The following NOL4 variants were observed in gnomAD, a reference collection of about 807,000 sequenced individuals.
The protein encoded by NOL4 is cancer/testis antigen 125.
Under a neutral mutation model 75.9 loss-of-function variants are expected in NOL4, and 17 were observed. The ratio of observed to expected loss-of-function variants is 0.22; its 90% CI spans 0.15 to 0.34. The LOEUF is 0.34. NOL4 is among the 10% of genes least tolerant of loss of function. The probability of loss-of-function intolerance (pLI) is 1.00; values close to 1 mark genes in which losing one functional copy is unlikely to be tolerated. For synonymous variants in NOL4, 292 were observed against 289.9 expected, an observed-to-expected ratio of 1.01 and a Z score of -0.07; for missense variants, 614 against 793.5, an observed-to-expected ratio of 0.77 and a Z score of 2.72.
At chr18:34,209,739 G>A (rs931967050) in intron 1 of NOL4, among the ~76,000 whole-genome samples, 1 of 152,104 alleles carries the variant, frequency 6.6e-6, no homozygotes, top group Non-Finnish European at 1.5e-5. Flanking sequence ...TGCCATCATT[G>A]GCAACAGTTC....
intron 5 of NOL4, among the ~76,000 whole-genome samples, chr18:34,022,678 C>A (rs1025271715): frequency 9.2e-5 from 14 of 151,806 alleles, no homozygotes; most frequent in African/African-American, 3.1e-4. Flanking sequence ...TTCTAGAATC[C>A]TTTAAAAAAT....
chr18:34,190,581 G>A (rs932939983), intron 1 of NOL4, among the ~76,000 whole-genome samples: 1 of 151,784 alleles, frequency 6.6e-6, no homozygotes, highest in Non-Finnish European at 1.5e-5. Flanking sequence ...TGTTTACAGT[G>A]AGTCCTAGTC....
chr18:33,908,528 A>T (rs2066203469), intron 9 of NOL4, among the ~76,000 whole-genome samples: 1 of 152,160 alleles, frequency 6.6e-6, no homozygotes, highest in Non-Finnish European at 1.5e-5. Flanking sequence ...TATATCTTGA[A>T]GGAGTCATAA....
At chr18:33,973,667 A>G (rs1166311930) in intron 6 of NOL4, among the ~76,000 whole-genome samples, 2 of 152,212 alleles carry the variant, frequency 1.3e-5, no homozygotes, top group Non-Finnish European at 2.9e-5. Flanking sequence ...GCCTGAAAAC[A>G]TCATTAATCT....
chr18:34,165,377 G>T (rs944836840), intron 1 of NOL4, among the ~76,000 whole-genome samples: 1 of 151,776 alleles, frequency 6.6e-6, no homozygotes, highest in Non-Finnish European at 1.5e-5. Flanking sequence ...AATTGAATGG[G>T]AAAGTAAGTA....
chr18:34,014,009 C>T (rs2074538606), intron 6 of NOL4, among the ~76,000 whole-genome samples: 1 of 151,792 alleles, frequency 6.6e-6, no homozygotes, highest in Non-Finnish European at 1.5e-5. Context: ...CAGGAATATC[C>T]ATATAACAAA....
intron 1 of NOL4, among the ~76,000 whole-genome samples, chr18:34,137,806 A>ACACACACG (rs1452666829): frequency 4.6e-5 from 7 of 151,932 alleles, no homozygotes; most frequent in South Asian, 2.1e-4. Flanking sequence ...ACACACACAC[A>ACACACACG]CACGCACGCA....
At chr18:34,049,095 CACA>C (rs1568273175) in intron 5 of NOL4, among the ~76,000 whole-genome samples, 3 of 143,078 alleles carry the variant, frequency 2.1e-5, no homozygotes, top group Non-Finnish European at 3.2e-5. Context: ...CACACACACA[CACA>C]CACACACACA....
chr18:34,019,567 C>T lies in NOL4; in HGVS notation c.807G>A (p.Glu269=). Residue 269 remains glutamate, a synonymous_variant, in exon 6 of 11, where the codon GAG becomes GAA. Coordinates refer to ENST00000261592, the MANE Select transcript of NOL4 (RefSeq NM_003787.5). ...DSAAESFNGN[E]TLGHSSIASG... ...AAGCAATTGAACTGTGCCCCAGAGTCTCATTGCCATTAAAGCTCTCTGCAG... is the reference window on the plus strand; with the variant it reads ...AAGCAATTGAACTGTGCCCCAGAGTTTCATTGCCATTAAAGCTCTCTGCAG... 6.2e-7 allele frequency: 1 copy of T among 1,613,796 alleles called. No homozygotes were observed. The highest frequency in any genetic ancestry group is 8.5e-7 in the Non-Finnish European group (1 of 1,179,876).
chr18:34,090,910 G>C (rs947209701), intron 5 of NOL4, among the ~76,000 whole-genome samples: 1 of 152,010 alleles, frequency 6.6e-6, no homozygotes, highest in Non-Finnish European at 1.5e-5. Flanking sequence ...TGAATGAAGA[G>C]GTGCAATGGG....
intron 6 of NOL4, among the ~76,000 whole-genome samples, chr18:34,011,921 C>T (rs761369196): frequency 6.6e-5 from 10 of 151,868 alleles, no homozygotes; most frequent in Non-Finnish European, 1.2e-4. Context: ...TCAAAATGCA[C>T]ATTTCACCGA....
chr18:34,144,795 G>C (rs1247981308), intron 1 of NOL4, among the ~76,000 whole-genome samples: 1 of 152,038 alleles, frequency 6.6e-6, no homozygotes. Flanking sequence ...TTTTTATTAC[G>C]ATAAAATCAA....
chr18:34,107,821 C>G (rs1295946201), intron 2 of NOL4, among the ~76,000 whole-genome samples: 1 of 152,000 alleles, frequency 6.6e-6, no homozygotes, highest in Non-Finnish European at 1.5e-5. Flanking sequence ...GAAACATGAA[C>G]TTGAATAACC....
intron 10 of NOL4, among the ~76,000 whole-genome samples, chr18:33,880,149 C>A (rs2064173720): frequency 6.6e-6 from 1 of 151,918 alleles, no homozygotes; most frequent in Non-Finnish European, 1.5e-5. Flanking sequence ...TTATGTGTTT[C>A]TTTTCTAGTA....
At chr18:34,218,099 CAA>C (rs79445733) in intron 1 of NOL4, among the ~76,000 whole-genome samples, 2 of 128,098 alleles carry the variant, frequency 1.6e-5, no homozygotes, top group Non-Finnish European at 1.7e-5. Context: ...CCAGTTAGAC[CAA>C]AAAAAAAAAA....
At chr18:34,162,266 A>G (rs2031608384) in intron 1 of NOL4, among the ~76,000 whole-genome samples, 1 of 152,194 alleles carries the variant, frequency 6.6e-6, no homozygotes, top group African/African-American at 2.4e-5. Flanking sequence ...ATAGAGACAC[A>G]AAAAACCCTT....
At chr18:34,058,044 A>G (rs2076902795) in intron 5 of NOL4, among the ~76,000 whole-genome samples, 1 of 152,098 alleles carries the variant, frequency 6.6e-6, no homozygotes, top group South Asian at 2.1e-4. Flanking sequence ...TCTGGCCATA[A>G]TGATGCTATG....
intron 1 of NOL4, among the ~76,000 whole-genome samples, chr18:34,169,238 T>C (rs2032765224): frequency 1.3e-5 from 2 of 151,970 alleles, no homozygotes; most frequent in Admixed American, 6.6e-5. Flanking sequence ...TTGGGATTTA[T>C]CACATATGTA....
intron 6 of NOL4, among the ~76,000 whole-genome samples, 187 bp from the exon 7 acceptor site, chr18:33,958,605 C>T (rs543880133): frequency 4.6e-5 from 7 of 152,214 alleles, no homozygotes; most frequent in South Asian, 4.2e-4. Context: ...TCCTTGGTCA[C>T]GTCACACTAG....
Sources: gnomAD v4.1 joint callset for allele counts (sites outside exome capture counted in the v4.1 genomes callset) on GRCh38, gnomAD v4.1.1 for gene constraint, MANE v1.5 for transcripts, NCBI Gene and HGNC (gene_info 2026-07-23, HGNC 2026-07-21) for gene names.